ARHGEF18: variants seen among roughly 807,000 people sequenced by gnomAD.
ARHGEF18 encodes the protein Rho/Rac guanine nucleotide exchange factor 18.
ARHGEF18 carries 93 observed loss-of-function variants against 155.7 expected under a neutral mutation model. That is an observed-to-expected ratio of 0.60 (90% CI 0.50 to 0.71). ARHGEF18 has a LOEUF of 0.71. Among genes scored for constraint, ARHGEF18 ranks in the 30% least tolerant of loss-of-function variants. The pLI, the probability that ARHGEF18 is intolerant of heterozygous loss-of-function variation, is 0.00. For missense variants in ARHGEF18, 1,593 were observed against 1,816.1 expected (o/e 0.88, Z 2.23); for synonymous variants, 742 against 753.1 (o/e 0.99, Z 0.24).
intron 2 of ARHGEF18, among the ~76,000 whole-genome samples, chr19:7,363,779 T>C (rs1330989637): frequency 6.8e-6 from 1 of 147,370 alleles, no homozygotes; most frequent in Non-Finnish European, 1.5e-5. Context: ...GGAGGATGGA[T>C]AAATGAAAGA....
intron 10 of ARHGEF18, chr19:7,439,958 C>G: frequency 6.5e-7 from 1 of 1,530,530 alleles, no homozygotes; most frequent in Non-Finnish European, 8.8e-7. Flanking sequence ...CAGTGGGGAC[C>G]AATATCCTGC....
intron 19 of ARHGEF18, 106 bp downstream of exon 19, chr19:7,458,796 C>T (rs942575945): frequency 5.4e-6 from 7 of 1,305,010 alleles, no homozygotes; most frequent in Non-Finnish European, 7.2e-6. Flanking sequence ...ACTCCCTCAT[C>T]CCAGCTTGGG....
chr19:7,351,293 A>G (rs1340608989), intron 1 of ARHGEF18, among the ~76,000 whole-genome samples: 1 of 149,824 alleles, frequency 6.7e-6, no homozygotes, highest in Non-Finnish European at 1.5e-5. Flanking sequence ...CAAGTCTGCT[A>G]GAGTGGACTT....
At chr19:7,375,516 A>C (rs1316699272) in intron 3 of ARHGEF18, among the ~76,000 whole-genome samples, 1 of 152,162 alleles carries the variant, frequency 6.6e-6, no homozygotes, top group African/African-American at 2.4e-5. Flanking sequence ...AACAAATCTA[A>C]CCAGGCTGGC....
the ARHGEF18 span, among the ~76,000 whole-genome samples, chr19:7,478,737 G>A: frequency 3.3e-5 from 5 of 152,254 alleles, no homozygotes; most frequent in Non-Finnish European, 7.3e-5. Flanking sequence ...CCCGCAGTTG[G>A]ACAGGCGTGG....
Position 7,456,353 on chromosome 19 carries a change from G to A in ARHGEF18, c.2131G>A (p.Val711Ile), listed in dbSNP as rs1202263128. Residue 711 changes from valine (V) to isoleucine (I), a missense_variant, in exon 18 of 29, where the codon GTA becomes ATA. Transcript: ENST00000668164. ...KDILAILLTD[V>I]LLLLQEKDQK... ...TATCCTGGCTATCCTGCTGACCGACGTACTTTTGCTGCTACAAGAAAAAGA... is the reference window on the plus strand; with the variant it reads ...TATCCTGGCTATCCTGCTGACCGACATACTTTTGCTGCTACAAGAAAAAGA... The A allele has an allele frequency of 7.4e-6, 12 of 1,613,984 alleles. No homozygotes were observed. Among genetic ancestry groups the A allele is most frequent in the South Asian group, 3.3e-5 (3 of 91,074 alleles).
intron 10 of ARHGEF18, among the ~76,000 whole-genome samples, chr19:7,429,010 C>G (rs1035193386): frequency 6.6e-6 from 1 of 152,232 alleles, no homozygotes. Flanking sequence ...AGGAAGCCCG[C>G]AGGCCTAGGC....
chr19:7,390,168 C>G (rs956950743), intron 10 of ARHGEF18, among the ~76,000 whole-genome samples: 17 of 152,120 alleles, frequency 1.1e-4, no homozygotes, highest in African/African-American at 4.1e-4. Context: ...GCCCTCTAGC[C>G]TGTGCCACAG....
intron 10 of ARHGEF18, among the ~76,000 whole-genome samples, chr19:7,412,794 A>T (rs1430911037): frequency 2.6e-5 from 4 of 151,716 alleles, no homozygotes; most frequent in Non-Finnish European, 5.9e-5. Context: ...GTGGGTGTGA[A>T]GTGGGCGGTT....
At chr19:7,420,830 G>A (rs996912335) in intron 10 of ARHGEF18, among the ~76,000 whole-genome samples, 2 of 152,218 alleles carry the variant, frequency 1.3e-5, no homozygotes, top group Non-Finnish European at 1.5e-5. Flanking sequence ...GAGAGGAGAC[G>A]TTATGGGGTG....
At position 7,462,077 on chromosome 19, in the gene ARHGEF18, G is replaced by T; in HGVS notation, c.2453-75G>T. 1 of 1,592,842 alleles carries T rather than the reference G, an allele frequency of 6.3e-7. No individual in the cohort carries two copies. Among genetic ancestry groups the T allele is most frequent in the Non-Finnish European group, 8.6e-7 (1 of 1,164,092 alleles). On this transcript the variant is annotated intron_variant, in intron 20 of 28. Transcript: ENST00000668164. The surrounding 1 kb of genome is among the most constrained non-coding windows in gnomAD (Gnocchi z 4.4). ...GGGCCAGCGGGGTTCCTCATCCTTA[G>T]GCCAGTCCCCGGGGCTCAGATGATT...
At chr19:7,451,312 C>G in intron 16 of ARHGEF18, 46 bp downstream of exon 16, 1 of 1,552,994 alleles carries the variant, frequency 6.4e-7, no homozygotes, top group Non-Finnish European at 8.9e-7. Flanking sequence ...TGCTGCAGCA[C>G]AGGGCTCTCT....
chr19:7,459,176 G>T (rs1006717917), intron 19 of ARHGEF18, among the ~76,000 whole-genome samples: 1 of 152,060 alleles, frequency 6.6e-6, no homozygotes, highest in African/African-American at 2.4e-5. Context: ...TCCCCGAGTA[G>T]CTGGGATTAC....
At chr19:7,408,249 C>T (rs1490823766) in intron 10 of ARHGEF18, among the ~76,000 whole-genome samples, 6 of 152,082 alleles carry the variant, frequency 3.9e-5, no homozygotes, top group African/African-American at 1.4e-4. Flanking sequence ...CTGCCTCCAG[C>T]CTGGATGATA....
At chr19:7,367,750 A>T (rs1411918693) in intron 2 of ARHGEF18, among the ~76,000 whole-genome samples, 2 of 114,128 alleles carry the variant, frequency 1.8e-5, no homozygotes, top group Non-Finnish European at 3.3e-5. Context: ...CCATCTCAAA[A>T]AAAAAAAAAT....
intron 2 of ARHGEF18, among the ~76,000 whole-genome samples, chr19:7,369,980 T>C (rs1970126996): frequency 6.6e-6 from 1 of 151,880 alleles, no homozygotes. Context: ...GAGGATCATC[T>C]GAAATCAGGA....
At position 7,372,907 on chromosome 19, in the gene ARHGEF18, C is replaced by T; in HGVS notation, c.111C>T (p.Gly37=). The change falls in exon 3 of 29, where the codon GGC becomes GGT. Residue 37 remains glycine (G), a synonymous_variant. Transcript: ENST00000668164. ...GCAGCGAGTATCTGCAGGACCTGGG[C>T]CTTGGGGCCCCTTCCCACAGCCAGC... ...LQGSEYLQDL[G]LGAPSHSQPG... is the part of the protein sequence containing the mutation. 8.1e-6 allele frequency: 10 copies of T among 1,234,498 alleles called. No homozygotes were observed. The highest frequency in any genetic ancestry group is 1.0e-5 in the Non-Finnish European group (10 of 988,252). 76.5% of individuals were successfully genotyped at this position (1,234,498 alleles called of 1,614,324 possible). A position where few individuals can be genotyped will look rare whatever the true frequency, so the allele number is the denominator to read the frequency against.
chr19:7,446,938 G>T, intron 14 of ARHGEF18, 105 bp from the exon 15 acceptor site: 3 of 1,240,554 alleles, frequency 2.4e-6, no homozygotes, highest in Non-Finnish European at 3.3e-6. Flanking sequence ...AAATGGAATT[G>T]CAAATAAATC....
At chr19:7,369,330 A>AGG (rs1200995729) in intron 2 of ARHGEF18, among the ~76,000 whole-genome samples, 2 of 151,966 alleles carry the variant, frequency 1.3e-5, no homozygotes, top group Non-Finnish European at 2.9e-5. Flanking sequence ...GCGTGGTGGC[A>AGG]CATGCCTGTA....
Sources: allele counts gnomAD v4.1 joint callset (sites outside exome capture counted in the v4.1 genomes callset), GRCh38; gene constraint gnomAD v4.1.1; non-coding constraint Gnocchi (gnomAD v3.1); transcripts MANE v1.5; gene names NCBI Gene and HGNC (gene_info 2026-07-23, HGNC 2026-07-21).